Variants in ADAMTSL1 observed in about 807,000 individuals in gnomAD.
ADAMTSL1 encodes ADAMTS-like protein 1.
A neutral mutation model predicts 201.8 loss-of-function variants in ADAMTSL1; 126 were observed. The ratio of observed to expected loss-of-function variants is 0.62; its 90% CI spans 0.54 to 0.72. The LOEUF (loss-of-function observed/expected upper bound fraction) is 0.72, where lower values mean the gene tolerates loss of function less well. ADAMTSL1 is among the 30% of genes least tolerant of loss of function. ADAMTSL1 has a pLI of 0.00. For missense variants in ADAMTSL1, 2,679 were observed against 2,277.8 expected, an observed-to-expected ratio of 1.18 and a Z score of -3.59; for synonymous variants, 1,121 against 903.4, an observed-to-expected ratio of 1.24 and a Z score of -4.32.
intron 19 of ADAMTSL1, among the ~76,000 whole-genome samples, chr9:18,787,437 A>AG (rs1251770812): frequency 6.6e-6 from 1 of 152,134 alleles, no homozygotes; most frequent in Non-Finnish European, 1.5e-5. Context: ...CTGAAATGCT[A>AG]GGGGATCTCC....
intron 2 of ADAMTSL1, among the ~76,000 whole-genome samples, chr9:18,244,703 A>G (rs1831191904): frequency 6.6e-6 from 1 of 151,972 alleles, no homozygotes; most frequent in South Asian, 2.1e-4. Context: ...CAATTTTCTG[A>G]TACAAATAAG....
intron 23 of ADAMTSL1, among the ~76,000 whole-genome samples, chr9:18,832,051 A>T (rs1825017162): frequency 6.6e-6 from 1 of 152,212 alleles, no homozygotes; most frequent in Non-Finnish European, 1.5e-5. Flanking sequence ...CTGTTCAGAA[A>T]CAACTGTAAA....
At chr9:18,508,463 T>A (rs1369469434) in intron 2 of ADAMTSL1, among the ~76,000 whole-genome samples, 1 of 152,228 alleles carries the variant, frequency 6.6e-6, no homozygotes, top group Non-Finnish European at 1.5e-5. Flanking sequence ...TTTGAATGCA[T>A]CTGCTCAGGA....
intron 10 of ADAMTSL1, among the ~76,000 whole-genome samples, chr9:18,677,788 C>T (rs1026900682): frequency 2.6e-5 from 4 of 151,980 alleles, no homozygotes; most frequent in African/African-American, 9.7e-5. Context: ...CTATGTATCA[C>T]AATGGGAAAG....
chr9:18,729,102 A>G (rs1452376829), intron 15 of ADAMTSL1, among the ~76,000 whole-genome samples: 2 of 152,180 alleles, frequency 1.3e-5, no homozygotes, highest in Non-Finnish European at 2.9e-5. Context: ...GTATGTTCAC[A>G]TTGTGATTGC....
At chr9:18,754,130 G>T (rs1378102168) in intron 16 of ADAMTSL1, among the ~76,000 whole-genome samples, 1 of 152,076 alleles carries the variant, frequency 6.6e-6, no homozygotes, top group African/African-American at 2.4e-5. Flanking sequence ...ATTATTTTAC[G>T]TACCGTCTAT....
Position 18,113,550 on chromosome 9 carries a change from A to G in ADAMTSL1, c.88-50312A>G, listed in dbSNP as rs192953757. On this transcript the variant is annotated intron_variant, in intron 1 of 29. Coordinates refer to the ADAMTSL1 transcript ENST00000680146. Reference sequence around the variant, plus strand: ...AGAAAAAAGCATTACGAGAGCTTCTAGATCTCAAGGTACCAATAACAAAGC... The same window carrying G: ...AGAAAAAAGCATTACGAGAGCTTCTGGATCTCAAGGTACCAATAACAAAGC... Among the ~76,000 whole-genome samples, 21 of 152,252 alleles carry G rather than the reference A, an allele frequency of 1.4e-4. No individual in the cohort carries two copies. In the East Asian group the frequency reaches 4.1e-3, roughly 29 times the overall value.
intron 1 of ADAMTSL1, among the ~76,000 whole-genome samples, chr9:17,965,310 T>C (rs1364016579): frequency 6.6e-6 from 1 of 152,168 alleles, no homozygotes; most frequent in African/African-American, 2.4e-5. Flanking sequence ...AGAAATATGA[T>C]ACAACCCAAA....
intron 1 of ADAMTSL1, among the ~76,000 whole-genome samples, chr9:18,066,341 T>A (rs1822700517): frequency 6.6e-6 from 1 of 152,176 alleles, no homozygotes; most frequent in Non-Finnish European, 1.5e-5. Flanking sequence ...AGTGTTCAGT[T>A]ACATAGAGAA....
chr9:18,527,234 A>T (rs1196037619), intron 2 of ADAMTSL1, among the ~76,000 whole-genome samples: 1 of 152,226 alleles, frequency 6.6e-6, no homozygotes. Flanking sequence ...AAATACAGTA[A>T]CCCATTCTTG....
chr9:17,961,681 T>G (rs1225914819), intron 1 of ADAMTSL1, among the ~76,000 whole-genome samples: 1 of 152,208 alleles, frequency 6.6e-6, no homozygotes, highest in East Asian at 1.9e-4. Flanking sequence ...GATTCATTTT[T>G]ATGTGGAGCA....
intron 1 of ADAMTSL1, among the ~76,000 whole-genome samples, chr9:17,989,047 C>A (rs1819041394): frequency 1.3e-5 from 2 of 151,856 alleles, no homozygotes; most frequent in Non-Finnish European, 2.9e-5. Flanking sequence ...ATTATACCCT[C>A]CCACTGAAAA....
intron 22 of ADAMTSL1, among the ~76,000 whole-genome samples, chr9:18,829,217 C>G (rs1021354189): frequency 3.9e-5 from 6 of 152,156 alleles, no homozygotes; most frequent in Non-Finnish European, 7.3e-5. Flanking sequence ...GCGCTGATTC[C>G]TTGTAAGATT....
intron 2 of ADAMTSL1, among the ~76,000 whole-genome samples, chr9:18,430,678 C>T (rs182073109): frequency 7.2e-5 from 11 of 152,312 alleles, no homozygotes; most frequent in African/African-American, 2.6e-4. Flanking sequence ...ATACCAGAGA[C>T]ACTAAGCCAA....
chr9:18,386,764 C>G (rs1837812074), intron 2 of ADAMTSL1, among the ~76,000 whole-genome samples: 1 of 152,074 alleles, frequency 6.6e-6, no homozygotes, highest in African/African-American at 2.4e-5. Flanking sequence ...ATTTTCGGAT[C>G]CTTTAGACTG....
At chr9:18,324,475 C>T (rs1227602840) in intron 2 of ADAMTSL1, among the ~76,000 whole-genome samples, 1 of 150,350 alleles carries the variant, frequency 6.7e-6, no homozygotes, top group Non-Finnish European at 1.5e-5. Context: ...AAATAACACA[C>T]TACATCAGGC....
chr9:18,215,680 C>T (rs1034707848), intron 2 of ADAMTSL1, among the ~76,000 whole-genome samples: 3 of 152,104 alleles, frequency 2.0e-5, no homozygotes, highest in African/African-American at 7.2e-5. Flanking sequence ...AACTTTTAGA[C>T]TATTTAGGTT....
In ADAMTSL1 at chr9:17,962,611, G is replaced by C. The variant is rs546198943; in HGVS notation, c.87+55689G>C. Among the ~76,000 whole-genome samples, 7 of 152,296 alleles carry C rather than the reference G, an allele frequency of 4.6e-5. No homozygotes were observed. The East Asian group carries it at 1.4e-3, about 29-fold the overall frequency. On this transcript the variant is annotated intron_variant, in intron 1 of 29. Coordinates refer to the ADAMTSL1 transcript ENST00000680146. ...AGAAAAGTGTGAGATCCTGGAACCA[G>C]TGTGCTTCAAGTTCAGAACTAGCAA...
intron 2 of ADAMTSL1, among the ~76,000 whole-genome samples, chr9:18,446,563 T>C (rs1030106502): frequency 2.6e-5 from 4 of 152,248 alleles, no homozygotes; most frequent in African/African-American, 9.6e-5. Flanking sequence ...AATGTGAACG[T>C]GCAGAAACTG....
Sources: allele counts gnomAD v4.1 joint callset (sites outside exome capture counted in the v4.1 genomes callset), GRCh38; gene constraint gnomAD v4.1.1; transcripts MANE v1.5; gene names NCBI Gene and HGNC (gene_info 2026-07-23, HGNC 2026-07-21).